The following PELI2 variants were observed in gnomAD, a reference collection of about 807,000 sequenced individuals.
PELI2 encodes pellino E3 ubiquitin protein ligase family member 2.
PELI2 carries 23 observed loss-of-function variants against 42.3 expected under a neutral mutation model. The ratio of observed to expected loss-of-function variants is 0.54; its 90% CI spans 0.39 to 0.77. The LOEUF is 0.77. Among genes scored for constraint, PELI2 ranks in the 30% least tolerant of loss-of-function variants. PELI2 has a pLI of 0.00. For missense variants in PELI2, 463 were observed against 553.2 expected, an observed-to-expected ratio of 0.84 and a Z score of 1.64; for synonymous variants, 245 against 212.2, an observed-to-expected ratio of 1.15 and a Z score of -1.34.
intron 2 of PELI2, among the ~76,000 whole-genome samples, chr14:56,274,569 T>A (rs1889223661): frequency 1.3e-5 from 2 of 152,220 alleles, no homozygotes; most frequent in African/African-American, 4.8e-5. Flanking sequence ...TATATGGGTT[T>A]ATAAGAGGAA....
intron 2 of PELI2, among the ~76,000 whole-genome samples, chr14:56,232,122 T>C (rs1296447350): frequency 6.6e-6 from 1 of 152,020 alleles, no homozygotes; most frequent in Non-Finnish European, 1.5e-5. Flanking sequence ...AATTAATAGC[T>C]TACCAACCAA....
chr14:56,145,744 A>G lies in PELI2; in HGVS notation c.77+27007A>G, dbSNP rs189342332. 1.7e-3 allele frequency among the ~76,000 whole-genome samples: 260 copies of G among 152,346 alleles called. 3 individuals are homozygous for G. The highest frequency in any genetic ancestry group is 0.014 in the Admixed American group (213 of 15,304). On this transcript the variant is annotated intron_variant, in intron 1 of 5. Coordinates refer to ENST00000267460, the MANE Select transcript of PELI2 (RefSeq NM_021255.3). The stretch of plus-strand genomic sequence containing the variant: ...CTATGCCATGCATTTGGGCTACAGA[A>G]AGGAAAAGATACGGCCTCTGCTATG...
At chr14:56,290,176 G>A in intron 4 of PELI2, 92 bp from the exon 5 acceptor site, 1 of 942,100 alleles carries the variant, frequency 1.1e-6, no homozygotes, top group Non-Finnish European at 1.6e-6. Context: ...CCTCCCCTCT[G>A]CCTCTATGCA....
chr14:56,227,198 G>A (rs1465642755), intron 2 of PELI2, among the ~76,000 whole-genome samples: 3 of 152,196 alleles, frequency 2.0e-5, no homozygotes, highest in South Asian at 2.1e-4. Context: ...TGTGGGGAGC[G>A]GGGCACTGGG....
intron 2 of PELI2, among the ~76,000 whole-genome samples, chr14:56,195,000 G>A (rs892193354): frequency 3.3e-5 from 5 of 152,110 alleles, no homozygotes; most frequent in Non-Finnish European, 5.9e-5. Context: ...AATGAATGTG[G>A]GATAATTCAC....
intron 1 of PELI2, among the ~76,000 whole-genome samples, chr14:56,126,884 C>CT (rs1161439491): frequency 6.6e-6 from 1 of 152,188 alleles, no homozygotes; most frequent in Non-Finnish European, 1.5e-5. Context: ...GGTTTGGGTA[C>CT]TTTCATCACA....
chr14:56,250,434 G>A (rs1555351284), intron 2 of PELI2, among the ~76,000 whole-genome samples: 1 of 152,122 alleles, frequency 6.6e-6, no homozygotes, highest in Non-Finnish European at 1.5e-5. Context: ...CCCACAATAG[G>A]CCATCTGCAA....
chr14:56,245,864 T>C (rs568022877), intron 2 of PELI2, among the ~76,000 whole-genome samples: 1 of 152,308 alleles, frequency 6.6e-6, no homozygotes, highest in Admixed American at 6.5e-5. Context: ...CTAGAGATGA[T>C]TTAAAGTATA....
At position 56,198,663 on chromosome 14, in the gene PELI2, C is replaced by G. The variant is rs112440246; in HGVS notation, c.207+20199C>G. ...GCCCACATGTGACAGCTCTTTGGAA[C>G]AGATGTGCAGTGATGGGGAGTAGCA... On this transcript the variant is annotated intron_variant, in intron 2 of 5. Transcript: ENST00000267460. 9.2e-3 allele frequency among the ~76,000 whole-genome samples: 1,399 copies of G among 152,218 alleles called. 21 individuals are homozygous for G. The highest frequency in any genetic ancestry group is 0.032 in the African/African-American group (1,338 of 41,522).
intron 2 of PELI2, among the ~76,000 whole-genome samples, chr14:56,223,483 C>T (rs1032570480): frequency 2.6e-5 from 4 of 152,126 alleles, no homozygotes; most frequent in Non-Finnish European, 4.4e-5. Flanking sequence ...GGTCTCTACT[C>T]GCATGTTGTC....
At position 56,228,041 on chromosome 14, in the gene PELI2, T is replaced by C. The variant is rs369094216; in HGVS notation, c.207+49577T>C. Among the ~76,000 whole-genome samples, 21 of 152,358 alleles carry C rather than the reference T, an allele frequency of 1.4e-4. 1 individual carries two copies. The highest frequency in any genetic ancestry group is 8.5e-4 in the Admixed American group (13 of 15,308). ...CATTGCTTCTAGGCATCGAAAATAA[T>C]GTATCACTCCTAATATACGTAGTAC... On this transcript the variant is annotated intron_variant, in intron 2 of 5. Transcript: ENST00000267460.
At chr14:56,259,221 A>G (rs1194736694) in intron 2 of PELI2, among the ~76,000 whole-genome samples, 1 of 152,176 alleles carries the variant, frequency 6.6e-6, no homozygotes, top group Non-Finnish European at 1.5e-5. Context: ...AAAAAATGTT[A>G]AAGTTTTTCA....
chr14:56,291,357 T>C (rs1889823684), intron 5 of PELI2, among the ~76,000 whole-genome samples: 1 of 152,120 alleles, frequency 6.6e-6, no homozygotes, highest in African/African-American at 2.4e-5. Flanking sequence ...GAAAAAGAAG[T>C]TGGGGGCTGT....
At chr14:56,286,076 T>C (rs1889635163) in intron 3 of PELI2, among the ~76,000 whole-genome samples, 1 of 152,192 alleles carries the variant, frequency 6.6e-6, no homozygotes, top group Non-Finnish European at 1.5e-5. Flanking sequence ...TGGGTTAAAA[T>C]TTAAAACAAC....
At chr14:56,184,544 T>G (rs543845805) in intron 2 of PELI2, among the ~76,000 whole-genome samples, 22 of 152,076 alleles carry the variant, frequency 1.4e-4, no homozygotes, top group Admixed American at 1.2e-3. Context: ...CACCATAGAT[T>G]GAAGGCAAAC....
At chr14:56,164,200 T>C (rs1310320863) in intron 1 of PELI2, among the ~76,000 whole-genome samples, 1 of 152,162 alleles carries the variant, frequency 6.6e-6, no homozygotes, top group Non-Finnish European at 1.5e-5. Context: ...GCTCTTATTA[T>C]GTTGAGGTAT....
intron 1 of PELI2, among the ~76,000 whole-genome samples, chr14:56,155,739 G>A (rs539796497): frequency 1.8e-3 from 237 of 130,956 alleles, no homozygotes; most frequent in Non-Finnish European, 2.4e-3. Context: ...TCGCCACCAC[G>A]CCCGGCTAAT....
chr14:56,151,243 C>T (rs958022682), intron 1 of PELI2, among the ~76,000 whole-genome samples: 1 of 152,166 alleles, frequency 6.6e-6, no homozygotes, highest in African/African-American at 2.4e-5. Context: ...TTATTGCTCC[C>T]TCCCTCGGCC....
At chr14:56,145,487 C>A (rs1000122369) in intron 1 of PELI2, among the ~76,000 whole-genome samples, 1 of 152,174 alleles carries the variant, frequency 6.6e-6, no homozygotes, top group African/African-American at 2.4e-5. Context: ...CTGTTTCAGT[C>A]ACAGAATGCC....
Sources: allele counts gnomAD v4.1 joint callset (sites outside exome capture counted in the v4.1 genomes callset), GRCh38; gene constraint gnomAD v4.1.1; transcripts MANE v1.5; gene names NCBI Gene and HGNC (gene_info 2026-07-23, HGNC 2026-07-21).